Variants in YPEL2 observed in about 807,000 individuals in gnomAD.
The protein encoded by YPEL2 is yippee like 2, also known as protein yippee-like 2.
In YPEL2, 2 loss-of-function variants were observed where a neutral mutation model predicts 19.1. That is an observed-to-expected ratio of 0.10 (90% CI 0.04 to 0.33). The LOEUF (loss-of-function observed/expected upper bound fraction) is 0.33. Among genes scored for constraint, YPEL2 ranks in the 10% least tolerant of loss-of-function variants. The probability of loss-of-function intolerance (pLI) is 1.00; values close to 1 mark genes in which losing one functional copy is unlikely to be tolerated. For synonymous variants in YPEL2, 52 were observed against 50.0 expected (o/e 1.04, Z -0.17); for missense variants, 66 against 140.7 (o/e 0.47, Z 2.68).
chr17:59,381,207 T>C (rs1429654994), intron 2 of YPEL2, among the ~76,000 whole-genome samples: 2 of 152,242 alleles, frequency 1.3e-5, no homozygotes, highest in African/African-American at 4.8e-5. Context: ...GACTTGAACC[T>C]GAATCTTCTG....
At chr17:59,364,254 T>C (rs374012302) in intron 2 of YPEL2, among the ~76,000 whole-genome samples, 2 of 152,176 alleles carry the variant, frequency 1.3e-5, no homozygotes, top group East Asian at 1.9e-4. Flanking sequence ...AGAGAGAAAC[T>C]GAGGGCCTCT....
intron 1 of YPEL2, among the ~76,000 whole-genome samples, chr17:59,334,549 C>T (rs1042168716): frequency 2.7e-5 from 4 of 146,774 alleles, no homozygotes; most frequent in African/African-American, 7.8e-5. Flanking sequence ...GTTTCTGATG[C>T]TGTTATCTGC....
chr17:59,376,970 AAAAAAC>A (rs1567752497), intron 2 of YPEL2, among the ~76,000 whole-genome samples: 7 of 149,918 alleles, frequency 4.7e-5, no homozygotes, highest in South Asian at 2.1e-4. Flanking sequence ...AAAAAAAAAA[AAAAAAC>A]AAAGAAAAAG....
chr17:59,332,610 G>A (rs1003626378), intron 1 of YPEL2, among the ~76,000 whole-genome samples: 2 of 152,170 alleles, frequency 1.3e-5, no homozygotes, highest in East Asian at 3.9e-4. Context: ...CTTTTCTCCG[G>A]TCTTGGGGGC....
At chr17:59,391,646 C>T (rs1425953844) in intron 4 of YPEL2, among the ~76,000 whole-genome samples, 1 of 152,036 alleles carries the variant, frequency 6.6e-6, no homozygotes, top group Admixed American at 6.6e-5. Context: ...GCCTATAACC[C>T]CAGCAGTTTG....
intron 2 of YPEL2, among the ~76,000 whole-genome samples, chr17:59,383,860 CTCTTT>C: frequency 1.3e-5 from 2 of 151,600 alleles, no homozygotes; most frequent in Middle Eastern, 6.8e-3. Flanking sequence ...TAGTTTGTTC[CTCTTT>C]ATTACAGAGT....
intron 1 of YPEL2, among the ~76,000 whole-genome samples, chr17:59,344,635 G>A (rs2047747189): frequency 6.6e-6 from 1 of 152,186 alleles, no homozygotes; most frequent in Non-Finnish European, 1.5e-5. Flanking sequence ...GTACACGCCT[G>A]TAATCCCAGC....
chr17:59,398,317 GT>G lies in YPEL2; in HGVS notation c.*1130del, dbSNP rs1320682980. The stretch of plus-strand genomic sequence containing the variant: ...GGATCGTCAATTTCTTGTTCTTAGA[GT>G]TTCGGGTGTTTTTCTCCAGTCTTGT... On this transcript the variant is annotated 3_prime_UTR_variant, in exon 5 of 5. Coordinates refer to ENST00000312655, the MANE Select transcript of YPEL2 (RefSeq NM_001005404.4). 1 of 152,190 alleles carries G rather than the reference GT, an allele frequency of 6.6e-6. No individual in the cohort carries two copies. Among genetic ancestry groups the G allele is most frequent in the African/African-American group, 2.4e-5 (1 of 41,430 alleles). 9.4% of individuals were successfully genotyped at this position (152,190 alleles called of 1,614,324 possible). A position where few individuals can be genotyped will look rare whatever the true frequency, so the allele number is the denominator to read the frequency against.
At chr17:59,375,687 C>T (rs2047917027) in intron 2 of YPEL2, among the ~76,000 whole-genome samples, 1 of 152,194 alleles carries the variant, frequency 6.6e-6, no homozygotes, top group Non-Finnish European at 1.5e-5. Flanking sequence ...CATTAATTTA[C>T]AGTGGAGCAG....
intron 4 of YPEL2, among the ~76,000 whole-genome samples, chr17:59,391,848 C>T (rs552634133): frequency 7.9e-5 from 12 of 151,968 alleles, no homozygotes; most frequent in East Asian, 7.7e-4. Context: ...TGCAGTGAGC[C>T]GAGATCATGC....
At chr17:59,360,607 ACTC>A (rs1417487975) in intron 2 of YPEL2, among the ~76,000 whole-genome samples, 7 of 152,062 alleles carry the variant, frequency 4.6e-5, no homozygotes, top group Admixed American at 3.3e-4. Context: ...GCTCTTTTGT[ACTC>A]CTCTAGAAGT....
At chr17:59,397,014 G>C in intron 4 of YPEL2, 87 bp from the exon 5 acceptor site, 1 of 974,984 alleles carries the variant, frequency 1.0e-6, no homozygotes, top group Non-Finnish European at 1.5e-6. Flanking sequence ...CTGGGTGACA[G>C]AGTGAGACTG....
At chr17:59,344,757 CA>C (rs969229687) in intron 1 of YPEL2, among the ~76,000 whole-genome samples, 6 of 148,134 alleles carry the variant, frequency 4.1e-5, no homozygotes, top group African/African-American at 1.5e-4. Flanking sequence ...GACTCCGTCT[CA>C]AAAAAAAAAG....
chr17:59,382,432 C>T (rs191280475), intron 2 of YPEL2, among the ~76,000 whole-genome samples: 112 of 152,340 alleles, frequency 7.4e-4, no homozygotes, highest in African/African-American at 2.6e-3. Flanking sequence ...GAAAGTGACT[C>T]TTAGGCCCAG....
chr17:59,360,170 G>A (rs1319008429), intron 2 of YPEL2, among the ~76,000 whole-genome samples: 7 of 152,218 alleles, frequency 4.6e-5, no homozygotes, highest in Non-Finnish European at 1.0e-4. Flanking sequence ...TCCGCTTCCC[G>A]GGTTCACGCC....
chr17:59,361,501 TGAG>T (rs1161591828), intron 2 of YPEL2, among the ~76,000 whole-genome samples: 5 of 152,188 alleles, frequency 3.3e-5, no homozygotes, highest in Admixed American at 1.3e-4. Flanking sequence ...GTGAATTACT[TGAG>T]GAGATGATTG....
At chr17:59,358,357 G>C (rs945502988) in intron 2 of YPEL2, among the ~76,000 whole-genome samples, 1 of 152,118 alleles carries the variant, frequency 6.6e-6, no homozygotes, top group Non-Finnish European at 1.5e-5. Context: ...CAGGGAGTGA[G>C]ATGTTCTGAA....
chr17:59,393,731 C>A (rs541559335), intron 4 of YPEL2, among the ~76,000 whole-genome samples: 1 of 148,670 alleles, frequency 6.7e-6, no homozygotes, highest in African/African-American at 2.5e-5. Flanking sequence ...GAGCATGCTG[C>A]CTTCAAGCAT....
At chr17:59,366,544 C>CCGAGT (rs2047870204) in intron 2 of YPEL2, among the ~76,000 whole-genome samples, 1 of 152,186 alleles carries the variant, frequency 6.6e-6, no homozygotes, top group Non-Finnish European at 1.5e-5. Flanking sequence ...GCTAGCCCAG[C>CCGAGT]CGAGTCGGGC....
Sources: allele counts gnomAD v4.1 joint callset (sites outside exome capture counted in the v4.1 genomes callset), GRCh38; gene constraint gnomAD v4.1.1; transcripts MANE v1.5; gene names NCBI Gene and HGNC (gene_info 2026-07-23, HGNC 2026-07-21).